AKAP13: variants seen among roughly 807,000 people sequenced by gnomAD.
AKAP13 encodes the protein A-kinase anchoring protein 13.
AKAP13 carries 80 observed loss-of-function variants against 264.5 expected under a neutral mutation model. The ratio of observed to expected loss-of-function variants is 0.30; its 90% CI spans 0.25 to 0.36. The LOEUF is 0.36. Among genes scored for constraint, AKAP13 ranks in the 10% least tolerant of loss-of-function variants. AKAP13 has a pLI of 1.00. For missense variants in AKAP13, 3,712 were observed against 3,435.2 expected, an observed-to-expected ratio of 1.08 and a Z score of -2.01; for synonymous variants, 1,380 against 1,250.2, an observed-to-expected ratio of 1.10 and a Z score of -2.19.
chr15:85,620,218 T>G (rs985426532), intron 8 of AKAP13: 12 of 1,526,602 alleles, frequency 7.9e-6, no homozygotes, highest in Non-Finnish European at 3.5e-6. Context: ...TGCAGGCTGT[T>G]TTAGCGCTTT....
intron 1 of AKAP13, among the ~76,000 whole-genome samples, chr15:85,394,340 C>T (rs1233436469): frequency 6.6e-6 from 1 of 152,110 alleles, no homozygotes; most frequent in Non-Finnish European, 1.5e-5. Flanking sequence ...TATGTGGACC[C>T]AACAGAAGAC....
At chr15:85,695,686 C>G (rs1413933562) in intron 17 of AKAP13, among the ~76,000 whole-genome samples, 1 of 152,216 alleles carries the variant, frequency 6.6e-6, no homozygotes, top group Non-Finnish European at 1.5e-5. Context: ...CATGAGAGCT[C>G]TCACCCGAAT....
At chr15:85,645,199 C>T (rs557571245) in intron 9 of AKAP13, among the ~76,000 whole-genome samples, 1 of 152,312 alleles carries the variant, frequency 6.6e-6, no homozygotes, top group East Asian at 1.9e-4. Context: ...AGTTTTTAGG[C>T]TTCCTCAATG....
intron 10 of AKAP13, among the ~76,000 whole-genome samples, chr15:85,647,184 A>G (rs1359311414): frequency 3.3e-5 from 5 of 152,108 alleles, no homozygotes; most frequent in African/African-American, 4.8e-5. Context: ...AGATCACTTG[A>G]GGTCAGGAGT....
intron 36 of AKAP13, 99 bp downstream of exon 36, chr15:85,743,924 G>A: frequency 7.3e-7 from 1 of 1,367,250 alleles, no homozygotes; most frequent in Non-Finnish European, 9.7e-7. Context: ...AAAGGGGACA[G>A]TTCAGATGCT....
chr15:85,495,326 G>A (rs866398021), intron 2 of AKAP13, among the ~76,000 whole-genome samples: 11 of 152,116 alleles, frequency 7.2e-5, no homozygotes, highest in African/African-American at 2.7e-4. Context: ...TGTGGTTAAT[G>A]ATCTGTGCAG....
intron 8 of AKAP13, among the ~76,000 whole-genome samples, chr15:85,601,615 T>TGTGTGC (rs1411099514): frequency 2.0e-5 from 3 of 148,676 alleles, no homozygotes; most frequent in South Asian, 2.1e-4. Flanking sequence ...TCTTTGTGTG[T>TGTGTGC]GTGTGTGTGT....
At chr15:85,651,753 T>C (rs1342167139) in intron 10 of AKAP13, 2 of 152,172 alleles carry the variant, frequency 1.3e-5, no homozygotes, top group African/African-American at 4.8e-5. Flanking sequence ...ATTCACACCC[T>C]CTCAAGGCAA....
Position 85,742,779 on chromosome 15 carries a change from G to A in AKAP13, c.8059-713G>A, listed in dbSNP as rs1205951966. Among the ~76,000 whole-genome samples, 3 of 152,132 alleles carry A rather than the reference G, an allele frequency of 2.0e-5. No individual in the cohort carries two copies. The East Asian group carries it at 5.8e-4, about 29-fold the overall frequency. ...GTTTTGAAATGCATACCATGTTGCC[G>A]TTTGTTTGATTGATTGATCTTGGAC... On this transcript the variant is annotated intron_variant, in intron 35 of 36. Transcript: ENST00000394518.
At chr15:85,607,790 A>G (rs2080421505) in intron 8 of AKAP13, among the ~76,000 whole-genome samples, 1 of 152,246 alleles carries the variant, frequency 6.6e-6, no homozygotes, top group Non-Finnish European at 1.5e-5. Flanking sequence ...AAAAATTTCC[A>G]GAACATTAAA....
chr15:85,465,863 T>A (rs2074717694), intron 1 of AKAP13, among the ~76,000 whole-genome samples: 1 of 149,588 alleles, frequency 6.7e-6, no homozygotes, highest in East Asian at 2.0e-4. Flanking sequence ...TTTGGGTATA[T>A]ACCCAGTAAT....
At chr15:85,528,485 GC>G (rs1226449840) in intron 3 of AKAP13, among the ~76,000 whole-genome samples, 1 of 152,030 alleles carries the variant, frequency 6.6e-6, no homozygotes, top group Non-Finnish European at 1.5e-5. Flanking sequence ...AGTTTTAGTT[GC>G]CCATTTTATG....
chr15:85,694,428 C>G lies in AKAP13; in HGVS notation c.5464+977C>G, dbSNP rs548190761. On this transcript the variant is annotated intron_variant, in intron 17 of 36. Coordinates refer to ENST00000394518, the MANE Select transcript of AKAP13 (RefSeq NM_007200.5). ...GTTGCAGTGCAAAAGCAGCCGTAAG[C>G]AATACATAAACCAATGAGTGTGATT... 2.0e-4 allele frequency among the ~76,000 whole-genome samples: 30 copies of G among 152,292 alleles called. No individual in the cohort carries two copies. In the South Asian group the frequency reaches 2.7e-3, roughly 14 times the overall value.
At chr15:85,702,260 C>T (rs2085966381) in intron 17 of AKAP13, 1 of 152,096 alleles carries the variant, frequency 6.6e-6, no homozygotes, top group Admixed American at 6.6e-5. Flanking sequence ...CACACACACA[C>T]ACACACACAC....
intron 3 of AKAP13, among the ~76,000 whole-genome samples, chr15:85,525,256 C>T (rs1326586875): frequency 2.0e-5 from 3 of 151,990 alleles, no homozygotes; most frequent in African/African-American, 7.3e-5. Context: ...GACAGGGTTT[C>T]ACCGTGTTAG....
chr15:85,638,753 C>T (rs338501), intron 8 of AKAP13, among the ~76,000 whole-genome samples: 1 of 145,712 alleles, frequency 6.9e-6, no homozygotes, highest in Non-Finnish European at 1.5e-5. Flanking sequence ...CTTCAGCAAC[C>T]CCTCTGAGCC....
At chr15:85,448,554 G>A (rs1282552105) in intron 1 of AKAP13, among the ~76,000 whole-genome samples, 2 of 152,116 alleles carry the variant, frequency 1.3e-5, no homozygotes. Flanking sequence ...AGAATGTAAG[G>A]AAGGGGTCCA....
intron 1 of AKAP13, among the ~76,000 whole-genome samples, chr15:85,451,269 T>C (rs757276769): frequency 6.6e-6 from 1 of 152,224 alleles, no homozygotes; most frequent in Admixed American, 6.5e-5. Flanking sequence ...GGAGTTTCAC[T>C]ATGAGTGAGA....
chr15:85,476,508 T>G (rs2151033739), intron 1 of AKAP13, among the ~76,000 whole-genome samples: 1 of 152,318 alleles, frequency 6.6e-6, no homozygotes, highest in East Asian at 1.9e-4. Flanking sequence ...GGAGCTTACT[T>G]TATTATTTTC....
Sources: gnomAD v4.1 joint callset for allele counts (sites outside exome capture counted in the v4.1 genomes callset) on GRCh38, gnomAD v4.1.1 for gene constraint, MANE v1.5 for transcripts, NCBI Gene and HGNC (gene_info 2026-07-23, HGNC 2026-07-21) for gene names.